The following GPM6A variants were observed in gnomAD, a reference collection of about 807,000 sequenced individuals.
The protein encoded by GPM6A is glycoprotein M6A.
A neutral mutation model predicts 32.1 loss-of-function variants in GPM6A; 7 were observed. That is an observed-to-expected ratio of 0.22 (90% CI 0.12 to 0.41). The LOEUF (loss-of-function observed/expected upper bound fraction) is 0.41. GPM6A is among the 10% of genes least tolerant of loss of function. The pLI, the probability that GPM6A is intolerant of heterozygous loss-of-function variation, is 1.00. For synonymous variants in GPM6A, 130 were observed against 123.4 expected (o/e 1.05, Z -0.35); for missense variants, 235 against 347.2 (o/e 0.68, Z 2.57).
At chr4:175,846,454 A>G (rs911294738) in intron 1 of GPM6A, among the ~76,000 whole-genome samples, 5 of 152,050 alleles carry the variant, frequency 3.3e-5, no homozygotes, top group Non-Finnish European at 7.4e-5. Flanking sequence ...GTCACTGGCT[A>G]ATTTATCTTT....
intron 3 of GPM6A, among the ~76,000 whole-genome samples, chr4:175,654,911 T>C (rs1741999457): frequency 6.6e-6 from 1 of 152,124 alleles, no homozygotes; most frequent in Non-Finnish European, 1.5e-5. Context: ...TTGCATCCTT[T>C]CTATCTTATT....
chr4:175,645,964 C>T (rs1482800298), intron 4 of GPM6A, among the ~76,000 whole-genome samples: 1 of 152,080 alleles, frequency 6.6e-6, no homozygotes, highest in Non-Finnish European at 1.5e-5. Flanking sequence ...GGGGGGTTTT[C>T]TTTATTTTCA....
intron 1 of GPM6A, among the ~76,000 whole-genome samples, chr4:175,973,440 T>C (rs750410322): frequency 5.9e-5 from 9 of 152,214 alleles, no homozygotes; most frequent in Non-Finnish European, 8.8e-5. Flanking sequence ...CAAATTAAAA[T>C]TTTGCAGAAA....
At chr4:175,761,309 G>C (rs1421629896) in intron 1 of GPM6A, among the ~76,000 whole-genome samples, 1 of 152,070 alleles carries the variant, frequency 6.6e-6, no homozygotes, top group Admixed American at 6.6e-5. Flanking sequence ...GGCCAGGCTG[G>C]TCTCAAACTC....
At chr4:175,827,208 A>T (rs1051022642) in intron 1 of GPM6A, among the ~76,000 whole-genome samples, 9 of 152,238 alleles carry the variant, frequency 5.9e-5, no homozygotes, top group Admixed American at 3.9e-4. Flanking sequence ...TCCATTTTAA[A>T]CAGGAAACAG....
chr4:175,827,894 G>A (rs539447271), intron 1 of GPM6A, among the ~76,000 whole-genome samples: 1 of 152,272 alleles, frequency 6.6e-6, no homozygotes, highest in East Asian at 1.9e-4. Flanking sequence ...TCTTCCTCTG[G>A]CCTCAAATGT....
intron 1 of GPM6A, among the ~76,000 whole-genome samples, chr4:175,757,375 C>A (rs1185552775): frequency 1.3e-5 from 2 of 152,122 alleles, no homozygotes. Flanking sequence ...TTATTTCAGT[C>A]TCATTAAGGA....
intron 1 of GPM6A, among the ~76,000 whole-genome samples, chr4:175,881,636 C>A (rs1579593487): frequency 6.6e-6 from 1 of 152,142 alleles, no homozygotes; most frequent in South Asian, 2.1e-4. Flanking sequence ...AAATGTGGCA[C>A]ATATACACCA....
At chr4:175,932,115 A>G (rs1739070213) in intron 1 of GPM6A, among the ~76,000 whole-genome samples, 2 of 150,016 alleles carry the variant, frequency 1.3e-5, no homozygotes, top group South Asian at 4.2e-4. Context: ...AAAAAAAAAG[A>G]AAAAAAAAGG....
At chr4:175,970,342 C>A (rs931945625) in intron 1 of GPM6A, among the ~76,000 whole-genome samples, 1 of 152,024 alleles carries the variant, frequency 6.6e-6, no homozygotes, top group African/African-American at 2.4e-5. Context: ...AAATGCCCTA[C>A]AGTTTTCAGA....
At chr4:175,853,815 C>G (rs1736335544) in intron 1 of GPM6A, among the ~76,000 whole-genome samples, 1 of 152,050 alleles carries the variant, frequency 6.6e-6, no homozygotes, top group Non-Finnish European at 1.5e-5. Context: ...AACTTTAAGC[C>G]TTCTTAGCAA....
In GPM6A at chr4:175,994,850, T is replaced by G. The variant is rs1416796320; in HGVS notation, c.-23+7459A>C. On this transcript the variant is annotated intron_variant, in intron 1 of 7. Transcript: ENST00000280187. ...CATAGTAGAACTTTCAAAATTGGAGTAAATCCTACCGCTGCTTTATCAACT... is the reference window on the plus strand; with the variant it reads ...CATAGTAGAACTTTCAAAATTGGAGGAAATCCTACCGCTGCTTTATCAACT... Among the ~76,000 whole-genome samples, 5 of 152,186 alleles carry G rather than the reference T, an allele frequency of 3.3e-5. No individual in the cohort carries two copies. In the East Asian group the frequency reaches 7.7e-4, roughly 23 times the overall value.
At chr4:175,710,813 T>C (rs1199891494) in intron 1 of GPM6A, among the ~76,000 whole-genome samples, 1 of 152,214 alleles carries the variant, frequency 6.6e-6, no homozygotes, top group Admixed American at 6.5e-5. Context: ...CTTTGTTTAA[T>C]TTTGTTTTCC....
At chr4:175,637,352 TATATAATATATAACATATAATA>T (rs1210059152) in intron 6 of GPM6A, among the ~76,000 whole-genome samples, 2,124 of 77,722 alleles carry the variant, frequency 0.027, 169 homozygotes, top group African/African-American at 0.11. Flanking sequence ...TATATAAAAA[TATATAATATATAACATATAATA>T]TATTATATAA....
chr4:175,708,298 A>T (rs894785393), intron 1 of GPM6A, among the ~76,000 whole-genome samples: 1 of 152,186 alleles, frequency 6.6e-6, no homozygotes, highest in Non-Finnish European at 1.5e-5. Flanking sequence ...AACTGTGATG[A>T]CATTTGTGAA....
chr4:175,847,583 T>C (rs1259534294), intron 1 of GPM6A, among the ~76,000 whole-genome samples: 1 of 152,076 alleles, frequency 6.6e-6, no homozygotes, highest in African/African-American at 2.4e-5. Context: ...CTTATTTTAC[T>C]TAATAATGAC....
chr4:175,994,484 C>T (rs774595078), intron 1 of GPM6A, among the ~76,000 whole-genome samples: 18 of 152,144 alleles, frequency 1.2e-4, no homozygotes, highest in Non-Finnish European at 2.1e-4. Context: ...GTTATGTTTA[C>T]ACTATGCTAA....
intron 2 of GPM6A, among the ~76,000 whole-genome samples, chr4:175,679,449 A>T (rs1743560081): frequency 6.6e-6 from 1 of 152,060 alleles, no homozygotes; most frequent in Non-Finnish European, 1.5e-5. Flanking sequence ...TGTACTGTGT[A>T]CTACTTCTCT....
At chr4:175,899,106 C>A (rs1737878217) in intron 1 of GPM6A, among the ~76,000 whole-genome samples, 1 of 152,170 alleles carries the variant, frequency 6.6e-6, no homozygotes, top group Non-Finnish European at 1.5e-5. Flanking sequence ...TTCTTCCACA[C>A]CCACAGACGA....
Sources: gnomAD v4.1 joint callset for allele counts (sites outside exome capture counted in the v4.1 genomes callset) on GRCh38, gnomAD v4.1.1 for gene constraint, MANE v1.5 for transcripts, NCBI Gene and HGNC (gene_info 2026-07-23, HGNC 2026-07-21) for gene names.